The following AARS1 variants were observed in gnomAD, a reference collection of about 807,000 sequenced individuals.
AARS1 encodes alanyl-tRNA synthetase 1, also known as alanine--tRNA ligase, cytoplasmic.
A neutral mutation model predicts 108.9 loss-of-function variants in AARS1; 72 were observed. That is an observed-to-expected ratio of 0.66 (90% confidence interval 0.55 to 0.80). The LOEUF is 0.80. Among genes scored for constraint, AARS1 ranks in the 30% least tolerant of loss-of-function variants. The probability of loss-of-function intolerance (pLI) is 0.00; values close to 1 mark genes in which losing one functional copy is unlikely to be tolerated. For synonymous variants in AARS1, 489 were observed against 465.7 expected (o/e 1.05, Z -0.64); for missense variants, 1,193 against 1,233.2 (o/e 0.97, Z 0.49).
At position 70,270,181 on chromosome 16, in the gene AARS1, C is replaced by A. The variant is rs1057248434; in HGVS notation, c.816+15G>T. On this transcript the variant is annotated intron_variant, in intron 6 of 20. Transcript: ENST00000261772. ...ACTCCACAGAAGTTTACAATGTTTG[C>A]AATAGCACCAGTACCTTCTGAATGG... 6.2e-7 allele frequency: 1 copy of A among 1,613,964 alleles called. No homozygotes were observed. The highest frequency in any genetic ancestry group is 8.5e-7 in the Non-Finnish European group (1 of 1,179,884).
intron 2 of AARS1, among the ~76,000 whole-genome samples, chr16:70,279,475 C>T (rs189330229): frequency 2.0e-5 from 3 of 150,756 alleles, no homozygotes; most frequent in East Asian, 3.9e-4. Context: ...GCCTGGCCAA[C>T]GTGGCGAAAC....
intron 19 of AARS1, 139 bp from the exon 20 acceptor site, chr16:70,253,520 G>T: frequency 9.8e-7 from 1 of 1,024,824 alleles, no homozygotes; most frequent in Non-Finnish European, 1.5e-6. Context: ...CTGTGGGGAG[G>T]ACCCCAGCGC....
At chr16:70,273,940 G>A (rs1960475035) in intron 4 of AARS1, among the ~76,000 whole-genome samples, 1 of 151,634 alleles carries the variant, frequency 6.6e-6, no homozygotes, top group African/African-American at 2.4e-5. Context: ...GGGAGGCTGA[G>A]GTGGGACGAT....
rs1158290824 is a variant in AARS1 at position 70,270,837 on chromosome 16, CAA to C, written c.672-499_672-498del. On this transcript the variant is annotated intron_variant, in intron 5 of 20. Transcript: ENST00000261772. The stretch of plus-strand genomic sequence containing the variant: ...GGGCAACAAGAGCAAAACTCCATCT[CAA>C]AAAAAAAAAAAAAAAAGAAAAGAAA... Among the ~76,000 whole-genome samples, 406 of 53,406 alleles carry C rather than the reference CAA, an allele frequency of 7.6e-3. 1 individual carries two copies. Among genetic ancestry groups the C allele is most frequent in the African/African-American group, 0.022 (350 of 16,056 alleles). The allele number at this position is 53,406 out of a possible 152,430, so 35.0% of individuals were successfully genotyped here. A position where few individuals can be genotyped will look rare whatever the true frequency, so the allele number is the denominator to read the frequency against.
Position 70,265,675 on chromosome 16 carries a change from AAGG to A in AARS1, c.1223-16_1223-14del. ...CAAGCAGTGTCTCCTACACAGCACA[AAGG>A]AGGTGTGTCAAAAAAAACAGACAGC... On this transcript the variant is annotated splice_polypyrimidine_tract_variant and intron_variant, in intron 9 of 20. Transcript: ENST00000261772. 6.2e-7 allele frequency: 1 copy of A among 1,612,524 alleles called. No homozygotes were observed. Among genetic ancestry groups the A allele is most frequent in the Non-Finnish European group, 8.5e-7 (1 of 1,179,104 alleles).
chr16:70,269,145 AGG>A (rs1268888558), intron 7 of AARS1, among the ~76,000 whole-genome samples: 1 of 151,760 alleles, frequency 6.6e-6, no homozygotes, highest in Non-Finnish European at 1.5e-5. Flanking sequence ...CCAACATGGA[AGG>A]AACCCCATCT....
intron 9 of AARS1, 72 bp downstream of exon 9, chr16:70,267,579 AGTCAGTCT>A: frequency 6.4e-7 from 1 of 1,553,460 alleles, no homozygotes; most frequent in South Asian, 1.1e-5. Flanking sequence ...GAGAGCCCAC[AGTCAGTCT>A]GTCAGAAAGG....
At chr16:70,287,389 T>G (rs1218562374) in intron 1 of AARS1, among the ~76,000 whole-genome samples, 3 of 148,866 alleles carry the variant, frequency 2.0e-5, no homozygotes, top group Admixed American at 6.7e-5. Flanking sequence ...GATCATGCCA[T>G]TGCACTCCAG....
chr16:70,287,656 T>A (rs1156612114), intron 1 of AARS1, among the ~76,000 whole-genome samples: 2 of 151,358 alleles, frequency 1.3e-5, no homozygotes, highest in Non-Finnish European at 2.9e-5. Context: ...GTCCAAAGGG[T>A]CGCTTGAGCA....
In AARS1 at chr16:70,255,741, G is replaced by A. The variant is rs995468279; in HGVS notation, c.2273C>T (p.Ala758Val). ...TGACCTGCTCACCTTCTGGGCCTCGGCACCTGTGACAGCCACAATCCTCCG... is the reference window on the plus strand; with the variant it reads ...TGACCTGCTCACCTTCTGGGCCTCGACACCTGTGACAGCCACAATCCTCCG... ...GIRRIVAVTG[A>V]EAQKALRKAE... The change falls in exon 16 of 21, where the codon GCC becomes GTC. Residue 758 changes from alanine (A) to valine (V), a missense_variant. Physicochemically the swap from Ala to Val is moderately conservative, Grantham distance 64. Transcript: ENST00000261772. 2 of 1,614,002 alleles carry A rather than the reference G, an allele frequency of 1.2e-6. No individual in the cohort carries two copies. Among genetic ancestry groups the A allele is most frequent in the African/African-American group, 2.7e-5 (2 of 74,920 alleles).
In AARS1 at chr16:70,269,301, C is replaced by T. The variant is rs373169762; in HGVS notation, c.962+317G>A. 2.2e-3 allele frequency among the ~76,000 whole-genome samples: 202 copies of T among 92,626 alleles called. 2 individuals are homozygous for T. Among genetic ancestry groups the T allele is most frequent in the African/African-American group, 7.7e-3 (195 of 25,234 alleles). 60.8% of individuals were successfully genotyped at this position (92,626 alleles called of 152,430 possible). On this transcript the variant is annotated intron_variant, in intron 7 of 20. Coordinates refer to ENST00000261772, the MANE Select transcript of AARS1 (RefSeq NM_001605.3). ...GGCCATTGCACTCTAGCCCGGGCAA[C>T]AAAAGCAAAATTCTGTCTCAGAAAA...
chr16:70,265,493 G>C (rs1960240567), intron 10 of AARS1, 45 bp downstream of exon 10: 2 of 1,612,706 alleles, frequency 1.2e-6, no homozygotes, highest in Non-Finnish European at 1.7e-6. Context: ...AGTGGTGCTG[G>C]GTTGGAAGGT....
In AARS1 at chr16:70,252,548, C is replaced by T. The variant is rs1272494709; in HGVS notation, c.*173G>A. 3 of 700,190 alleles carry T rather than the reference C, an allele frequency of 4.3e-6. No homozygotes were observed. In the Admixed American group the frequency reaches 6.9e-5, roughly 16 times the overall value. 43.4% of individuals were successfully genotyped at this position (700,190 alleles called of 1,614,324 possible). On this transcript the variant is annotated 3_prime_UTR_variant, in exon 21 of 21. Coordinates refer to ENST00000261772, the MANE Select transcript of AARS1 (RefSeq NM_001605.3). ...AGACCGATGGCACTGACGTGGAGGG[C>T]TCAGGGCAGAAATTTAAGGGGCACT... is the stretch of plus-strand genomic sequence containing the variant.
Position 70,289,256 on chromosome 16 carries a change from G to A in AARS1, c.-22+165C>T, listed in dbSNP as rs1003011803. On this transcript the variant is annotated intron_variant, in intron 1 of 20. Transcript: ENST00000261772. Reference sequence around the variant, plus strand: ...CGCGACACTCGCAGCGCTCCCGGGGGCGAACGCAAGGCCACACTGTCCAGC... The same window carrying A: ...CGCGACACTCGCAGCGCTCCCGGGGACGAACGCAAGGCCACACTGTCCAGC... 3.2e-4 allele frequency among the ~76,000 whole-genome samples: 49 copies of A among 152,162 alleles called. 1 individual carries two copies. The highest frequency in any genetic ancestry group is 1.8e-4 in the Non-Finnish European group (12 of 68,034).
chr16:70,258,949 A>AGG (rs747848503), intron 14 of AARS1, 31 bp downstream of exon 14: 1 of 1,596,374 alleles, frequency 6.3e-7, no homozygotes, highest in East Asian at 2.2e-5. Flanking sequence ...CGGTGTGGGG[A>AGG]GGGGGGGCAT....
At chr16:70,271,035 C>T (rs1960387669) in intron 5 of AARS1, among the ~76,000 whole-genome samples, 1 of 151,704 alleles carries the variant, frequency 6.6e-6, no homozygotes, top group Non-Finnish European at 1.5e-5. Context: ...ACCTGTAACC[C>T]TAGCTACTCA....
At chr16:70,254,104 C>T in intron 17 of AARS1, 66 bp from the exon 18 acceptor site, 1 of 1,604,232 alleles carries the variant, frequency 6.2e-7, no homozygotes, top group Non-Finnish European at 8.5e-7. Flanking sequence ...GTCCAGCCCA[C>T]CCCACCCGAA....
Position 70,252,651 on chromosome 16 carries a change from A to C in AARS1, c.*70T>G. Reference sequence around the variant, plus strand: ...GCTCTTTAAAGGTCCCAAGATTCAAATGTTCTTGTAGCAGATGAAGAGCTC... The same window carrying C: ...GCTCTTTAAAGGTCCCAAGATTCAACTGTTCTTGTAGCAGATGAAGAGCTC... On this transcript the variant is annotated 3_prime_UTR_variant, in exon 21 of 21. Transcript: ENST00000261772. 1 of 1,557,634 alleles carries C rather than the reference A, an allele frequency of 6.4e-7. No individual in the cohort carries two copies. The highest frequency in any genetic ancestry group is 8.8e-7 in the Non-Finnish European group (1 of 1,132,630).
At chr16:70,255,352 A>G (rs1336238819) in intron 16 of AARS1, among the ~76,000 whole-genome samples, 2 of 151,930 alleles carry the variant, frequency 1.3e-5, no homozygotes, top group Non-Finnish European at 2.9e-5. Flanking sequence ...GACGCGCGCC[A>G]CTACACCCAG....
Sources: allele counts gnomAD v4.1 joint callset (sites outside exome capture counted in the v4.1 genomes callset), GRCh38; gene constraint gnomAD v4.1.1; transcripts MANE v1.5; gene names NCBI Gene and HGNC (gene_info 2026-07-23, HGNC 2026-07-21).